The following PFKL variants were observed in gnomAD, a reference collection of about 807,000 sequenced individuals.
The protein encoded by PFKL is ATP-dependent 6-phosphofructokinase, liver type.
PFKL carries 74 observed loss-of-function variants against 92.1 expected under a neutral mutation model. That is an observed-to-expected ratio of 0.80 (90% CI 0.67 to 0.97). PFKL has a LOEUF of 0.97. Among genes scored for constraint, PFKL ranks in the 50% least tolerant of loss-of-function variants. The pLI, the probability that PFKL is intolerant of heterozygous loss-of-function variation, is 0.00. For synonymous variants in PFKL, 494 were observed against 456.4 expected (o/e 1.08, Z -1.05); for missense variants, 1,028 against 1,116.6 (o/e 0.92, Z 1.13).
chr21:44,315,635 C>T (rs996569056), intron 7 of PFKL: 2 of 154,420 alleles, frequency 1.3e-5, no homozygotes, highest in African/African-American at 4.8e-5. Flanking sequence ...TTTCAGTTCC[C>T]AGAGAGCTGG....
chr21:44,316,163 G>A (rs1408115023), intron 7 of PFKL, 81 bp from the exon 8 acceptor site: 1 of 1,318,444 alleles, frequency 7.6e-7, no homozygotes, highest in South Asian at 1.2e-5. Flanking sequence ...TGGCCCCAGG[G>A]AGGGCTCCTG....
intron 15 of PFKL, 38 bp downstream of exon 15, chr21:44,323,087 AG>A (rs1432277661): frequency 2.0e-6 from 3 of 1,517,266 alleles, no homozygotes; most frequent in Non-Finnish European, 2.7e-6. Flanking sequence ...CCCAGGGCAC[AG>A]GAGACCCAAG....
At position 44,318,250 on chromosome 21, in the gene PFKL, G is replaced by T. The variant is rs1817094813; in HGVS notation, c.937-220G>T. On this transcript the variant is annotated intron_variant, in intron 9 of 21. Coordinates refer to ENST00000349048, the MANE Select transcript of PFKL (RefSeq NM_002626.6). ...CACCCTGCAGCCAGCAGTGCAGGCT[G>T]GGCCTTCCAGCAGGGCAGCGAGGAC... is the stretch of plus-strand genomic sequence containing the variant. 3.3e-5 allele frequency among the ~76,000 whole-genome samples: 5 copies of T among 152,360 alleles called. No individual in the cohort carries two copies. In the South Asian group the frequency reaches 8.3e-4, roughly 25 times the overall value.
At chr21:44,312,400 G>T in intron 4 of PFKL, 106 bp downstream of exon 4, 1 of 1,040,348 alleles carries the variant, frequency 9.6e-7, no homozygotes, top group African/African-American at 1.7e-5. Flanking sequence ...TGGGTGCCCC[G>T]AGGCAGAGGA....
At position 44,306,762 on chromosome 21, in the gene PFKL, C is replaced by T; in HGVS notation, c.159+8C>T. The T allele has an allele frequency of 6.2e-7, 1 of 1,612,776 alleles. No individual in the cohort carries two copies. Among genetic ancestry groups the T allele is most frequent in the Non-Finnish European group, 8.5e-7 (1 of 1,179,082 alleles). ...GTCTTCCTCATCTACGAGGTAAGGCCAAGGTGGGCTGTGTGTGTGCAGGGA... is the reference window on the plus strand; with the variant it reads ...GTCTTCCTCATCTACGAGGTAAGGCTAAGGTGGGCTGTGTGTGTGCAGGGA... On this transcript the variant is annotated splice_region_variant and intron_variant, in intron 2 of 21. Transcript: ENST00000349048.
chr21:44,319,717 G>C, intron 11 of PFKL: 1 of 535,268 alleles, frequency 1.9e-6, no homozygotes, highest in Non-Finnish European at 3.3e-6. Flanking sequence ...GGGCTGGGAA[G>C]GCTGGCAGAT....
chr21:44,324,695 C>T, intron 17 of PFKL, 40 bp downstream of exon 17: 1 of 1,562,530 alleles, frequency 6.4e-7, no homozygotes, highest in Non-Finnish European at 8.7e-7. Context: ...GACCTGCCGG[C>T]ATGCCAGCCT....
At chr21:44,320,021 G>A (rs1234643428) in intron 11 of PFKL, 63 bp from the exon 12 acceptor site, 26 of 1,468,916 alleles carry the variant, frequency 1.8e-5, no homozygotes, top group Non-Finnish European at 2.5e-5. Context: ...TGTCACGGCT[G>A]CGCTGTGGCT....
intron 1 of PFKL, among the ~76,000 whole-genome samples, chr21:44,306,391 C>T (rs923716818): frequency 6.6e-5 from 10 of 152,154 alleles, no homozygotes; most frequent in East Asian, 1.9e-4. Context: ...AGCCTCCACC[C>T]GGGGGCCCAG....
intron 9 of PFKL, among the ~76,000 whole-genome samples, chr21:44,316,739 G>A (rs1480492869): frequency 6.6e-6 from 1 of 151,870 alleles, no homozygotes; most frequent in Admixed American, 6.6e-5. Flanking sequence ...GTGTGTGGCA[G>A]TGTGTGTGGG....
At chr21:44,303,535 C>T (rs9979369) in intron 1 of PFKL, among the ~76,000 whole-genome samples, 50,901 of 150,258 alleles carry the variant, frequency 0.34, 9,681 homozygotes, top group African/African-American at 0.52. Flanking sequence ...GTCTAGTGCC[C>T]CCTCCCTGCC....
At chr21:44,326,609 C>T (rs2047518797) in intron 21 of PFKL, 106 bp from the exon 22 acceptor site, 2 of 1,320,836 alleles carry the variant, frequency 1.5e-6, no homozygotes, top group African/African-American at 3.4e-5. Context: ...GACAGAGGGG[C>T]ATGCACAGGC....
intron 19 of PFKL, 123 bp downstream of exon 19, chr21:44,325,387 G>A (rs1202564775): frequency 3.6e-5 from 24 of 674,806 alleles, no homozygotes; most frequent in African/African-American, 7.2e-5. Flanking sequence ...CCTCGGGCAC[G>A]TGTGCCCTTC....
In PFKL at chr21:44,324,632, C is replaced by G. The variant is rs776684420; in HGVS notation, c.1792C>G (p.Pro598Ala). Reference protein sequence around the residue: ...GADAAYVFEDPFNIHDLKVNV... With the variant: ...GADAAYVFEDAFNIHDLKVNV... ...CGACGCCGCCTACGTCTTCGAGGAC[C>G]CTTTCAACATCCACGACTTAAAGGT... The change falls in exon 17 of 22, where the codon CCT becomes GCT. Residue 598 changes from proline (P) to alanine (A), a missense_variant. Coordinates refer to ENST00000349048, the MANE Select transcript of PFKL (RefSeq NM_002626.6). 6.2e-7 allele frequency: 1 copy of G among 1,602,360 alleles called. No individual in the cohort carries two copies. Among genetic ancestry groups the G allele is most frequent in the Non-Finnish European group, 8.5e-7 (1 of 1,173,610 alleles).
intron 1 of PFKL, among the ~76,000 whole-genome samples, chr21:44,301,090 A>C (rs2040762643): frequency 6.6e-6 from 1 of 152,212 alleles, no homozygotes; most frequent in African/African-American, 2.4e-5. Context: ...AAAATGGTTG[A>C]GAAAATGCGG....
At position 44,314,340 on chromosome 21, in the gene PFKL, G is replaced by A. The variant is rs868165605; in HGVS notation, c.747+319G>A. 2.3e-4 allele frequency: 75 copies of A among 330,338 alleles called. No homozygotes were observed. The Middle Eastern group carries it at 3.4e-3, about 15-fold the overall frequency. The allele number at this position is 330,338 out of a possible 1,614,324, so 20.5% of individuals were successfully genotyped here. Reference sequence around the variant, plus strand: ...GGGGTGGGACTGCTGAGCCTGGGGCGGTGGGAGGTGGTTGGTTGTGAGGGA... The same window carrying A: ...GGGGTGGGACTGCTGAGCCTGGGGCAGTGGGAGGTGGTTGGTTGTGAGGGA... On this transcript the variant is annotated intron_variant, in intron 7 of 21. Transcript: ENST00000349048.
At chr21:44,325,292 G>A (rs758200458) in intron 19 of PFKL, 28 bp downstream of exon 19, 3 of 1,414,442 alleles carry the variant, frequency 2.1e-6, no homozygotes, top group Non-Finnish European at 2.0e-6. Context: ...GGCTCTGAGA[G>A]GCCTGCCCCT....
At position 44,325,323 on chromosome 21, in the gene PFKL, C is replaced by T. The variant is rs903360498; in HGVS notation, c.1989+59C>T. 6 of 1,232,242 alleles carry T rather than the reference C, an allele frequency of 4.9e-6. No homozygotes were observed. The East Asian group carries it at 1.2e-4, about 24-fold the overall frequency. The allele number at this position is 1,232,242 out of a possible 1,614,324, so 76.3% of individuals were successfully genotyped here. On this transcript the variant is annotated intron_variant, in intron 19 of 21. Transcript: ENST00000349048. ...CCCCTCTTTCCTGCCACCATCTGTC[C>T]CCGGCCCCAGGGGTCCCAGCCCTCA...
At chr21:44,324,956 C>A in intron 18 of PFKL, 39 bp downstream of exon 18, 1 of 1,555,822 alleles carries the variant, frequency 6.4e-7, no homozygotes, top group Non-Finnish European at 8.8e-7. Context: ...GCTGCGCGTC[C>A]AACTCTCGGG....
Sources: gnomAD v4.1 joint callset for allele counts (sites outside exome capture counted in the v4.1 genomes callset) on GRCh38, gnomAD v4.1.1 for gene constraint, MANE v1.5 for transcripts, NCBI Gene and HGNC (gene_info 2026-07-23, HGNC 2026-07-21) for gene names.